TFB1M: variants seen among roughly 807,000 people sequenced by gnomAD.
TFB1M encodes the protein transcription factor B1, mitochondrial, also known as dimethyladenosine transferase 1, mitochondrial.
TFB1M carries 27 observed loss-of-function variants against 31.1 expected under a neutral mutation model. The ratio of observed to expected loss-of-function variants is 0.87; its 90% CI spans 0.64 to 1.20. The LOEUF (loss-of-function observed/expected upper bound fraction) is 1.20, where lower values mean the gene tolerates loss of function less well. Among genes scored for constraint, TFB1M ranks in the 50% most tolerant of loss-of-function variants. The pLI, the probability that TFB1M is intolerant of heterozygous loss-of-function variation, is 0.00. For synonymous variants in TFB1M, 166 were observed against 151.8 expected, an observed-to-expected ratio of 1.09 and a Z score of -0.69; for missense variants, 394 against 418.7, an observed-to-expected ratio of 0.94 and a Z score of 0.51.
the TFB1M span, among the ~76,000 whole-genome samples, chr6:155,238,454 G>A: frequency 6.6e-6 from 1 of 152,144 alleles, no homozygotes; most frequent in Non-Finnish European, 1.5e-5. Context: ...GTTTTCAGCA[G>A]TGCCCCCGAC....
At chr6:155,275,794 T>TCTG (rs780653509) in intron 5 of TFB1M, 4 of 1,614,124 alleles carry the variant, frequency 2.5e-6, no homozygotes, top group Non-Finnish European at 3.4e-6. Flanking sequence ...TCACAGCCAC[T>TCTG]CTGCTGCCCA....
At chr6:155,296,274 C>T (rs1041348096) in intron 4 of TFB1M, among the ~76,000 whole-genome samples, 1 of 151,714 alleles carries the variant, frequency 6.6e-6, no homozygotes, top group African/African-American at 2.4e-5. Context: ...CCGCATGCCC[C>T]GCCGAGACAG....
At chr6:155,273,009 G>A (rs1425430157) in intron 5 of TFB1M, among the ~76,000 whole-genome samples, 1 of 152,218 alleles carries the variant, frequency 6.6e-6, no homozygotes, top group Non-Finnish European at 1.5e-5. Flanking sequence ...AAGTGAGCAA[G>A]CAGATGCTGT....
rs1276504222 is a variant in TFB1M, at chr6:155,257,621, A to ATCT, written c.*214_*215insAGA. 15 of 554,862 alleles carry ATCT rather than the reference A, an allele frequency of 2.7e-5. No individual in the cohort carries two copies. The highest frequency in any genetic ancestry group is 1.3e-4 in the African/African-American group (7 of 53,134). 34.4% of individuals were successfully genotyped at this position (554,862 alleles called of 1,614,324 possible). ...ATGCTGTTTATACTAAACATGTCAT[A>ATCT]ACTATCTATACAGTATATATTAAAA... On this transcript the variant is annotated 3_prime_UTR_variant, in exon 7 of 7. Transcript: ENST00000367166.
intron 2 of TFB1M, chr6:155,303,075 C>T (rs1777508346): frequency 6.6e-6 from 1 of 152,152 alleles, no homozygotes; most frequent in Non-Finnish European, 1.5e-5. Flanking sequence ...TTAATTGACA[C>T]ATAATAATTG....
At chr6:155,286,724 T>C (rs1390858806) in intron 4 of TFB1M, among the ~76,000 whole-genome samples, 2 of 150,862 alleles carry the variant, frequency 1.3e-5, no homozygotes, top group African/African-American at 4.9e-5. Flanking sequence ...TGCCTGTAAT[T>C]CCAGTGCTTT....
intron 5 of TFB1M, chr6:155,276,563 GTTCT>G (rs1164191152): frequency 5.8e-6 from 3 of 520,750 alleles, no homozygotes; most frequent in African/African-American, 3.9e-5. Flanking sequence ...TGTCTGAAGA[GTTCT>G]TTATTTTTTC....
chr6:155,257,255 ATGGT>A lies in TFB1M; in HGVS notation c.*577_*580del, dbSNP rs1033531307. 7 of 997,202 alleles carry A rather than the reference ATGGT, an allele frequency of 7.0e-6. No individual in the cohort carries two copies. Among genetic ancestry groups the A allele is most frequent in the African/African-American group, 1.6e-5 (1 of 60,860 alleles). The allele number at this position is 997,202 out of a possible 1,614,324, so 61.8% of individuals were successfully genotyped here. A position where few individuals can be genotyped will look rare whatever the true frequency, so the allele number is the denominator to read the frequency against. ...TGTGCAGTATACATTTTCCCACAAA[ATGGT>A]TGTAAAGATTTAAGTTATTTTAATT... On this transcript the variant is annotated 3_prime_UTR_variant, in exon 7 of 7. Coordinates refer to ENST00000367166, the MANE Select transcript of TFB1M (RefSeq NM_016020.4).
At chr6:155,298,393 T>C in intron 3 of TFB1M, 84 bp downstream of exon 3, 7 of 757,892 alleles carry the variant, frequency 9.2e-6, no homozygotes, top group South Asian at 3.0e-5. Context: ...TATAAGACAT[T>C]TGTAATAAAT....
At chr6:155,283,950 T>C (rs1776504067) in intron 5 of TFB1M, among the ~76,000 whole-genome samples, 1 of 152,232 alleles carries the variant, frequency 6.6e-6, no homozygotes, top group Non-Finnish European at 1.5e-5. Context: ...ATACCTCCAG[T>C]CATCAAATTC....
chr6:155,256,613 C>A lies in TFB1M; in HGVS notation c.*1223G>T. 1.2e-6 allele frequency: 2 copies of A among 1,614,154 alleles called. No individual in the cohort carries two copies. Among genetic ancestry groups the A allele is most frequent in the Non-Finnish European group, 1.7e-6 (2 of 1,180,012 alleles). On this transcript the variant is annotated 3_prime_UTR_variant, in exon 7 of 7. Coordinates refer to ENST00000367166, the MANE Select transcript of TFB1M (RefSeq NM_016020.4). ...AGCGGCACCCAGAGCAGCGGCTGCC[C>A]CACGGCTGAGGGCAGGCAGGACTCC...
intron 5 of TFB1M, among the ~76,000 whole-genome samples, chr6:155,272,265 G>C (rs75979782): frequency 6.6e-6 from 1 of 151,992 alleles, no homozygotes; most frequent in East Asian, 1.9e-4. Flanking sequence ...TATTTAGTTC[G>C]AATTATAAGC....
At chr6:155,271,582 G>T (rs1206352880) in intron 5 of TFB1M, among the ~76,000 whole-genome samples, 1 of 151,950 alleles carries the variant, frequency 6.6e-6, no homozygotes, top group East Asian at 1.9e-4. Flanking sequence ...TCTTCTGAAT[G>T]ATTATTTTGA....
rs369647651 is a variant in TFB1M, at chr6:155,277,772, T to C, written c.666+7386A>G. ...TCCTTTTGAGTGGTCAAAATGTTAT[T>C]TTATACACAAGTGTCATACTAAAAA... On this transcript the variant is annotated intron_variant, in intron 5 of 6. Coordinates refer to ENST00000367166, the MANE Select transcript of TFB1M (RefSeq NM_016020.4). Among the ~76,000 whole-genome samples the C allele has an allele frequency of 2.4e-4, 37 of 152,326 alleles. No individual in the cohort carries two copies. The South Asian group carries it at 7.1e-3, about 29-fold the overall frequency.
At chr6:155,265,737 TTA>T (rs1296634779) in intron 5 of TFB1M, among the ~76,000 whole-genome samples, 4 of 140,182 alleles carry the variant, frequency 2.9e-5, no homozygotes, top group African/African-American at 1.1e-4. Flanking sequence ...TAAATATATA[TTA>T]TATATAATAT....
chr6:155,313,632 G>A (rs1278811675), intron 1 of TFB1M, among the ~76,000 whole-genome samples: 3 of 152,012 alleles, frequency 2.0e-5, no homozygotes, highest in Non-Finnish European at 2.9e-5. Context: ...TAATTTTATT[G>A]CACATAAATT....
chr6:155,310,082 A>G (rs564895370), intron 2 of TFB1M, among the ~76,000 whole-genome samples: 3 of 152,230 alleles, frequency 2.0e-5, no homozygotes, highest in African/African-American at 7.2e-5. Context: ...CTAGGTTTTC[A>G]AAAACAACTT....
At chr6:155,270,501 C>T (rs7776133) in intron 5 of TFB1M, among the ~76,000 whole-genome samples, 12,973 of 152,168 alleles carry the variant, frequency 0.085, 649 homozygotes, top group Non-Finnish European at 0.099. Context: ...CTATAGCTAA[C>T]GAAAGTTGCT....
chr6:155,245,650 T>C, the TFB1M span: 1 of 1,614,146 alleles, frequency 6.2e-7, no homozygotes, highest in African/African-American at 1.3e-5. Flanking sequence ...TGGAGGCTCT[T>C]TCCTTTATTA....
Sources: allele counts gnomAD v4.1 joint callset (sites outside exome capture counted in the v4.1 genomes callset), GRCh38; gene constraint gnomAD v4.1.1; transcripts MANE v1.5; gene names NCBI Gene and HGNC (gene_info 2026-07-23, HGNC 2026-07-21).